Variants in TENM3 observed in about 807,000 individuals in gnomAD.
TENM3 encodes teneurin transmembrane protein 3, also known as teneurin-3.
TENM3 carries 63 observed loss-of-function variants against 255.1 expected under a neutral mutation model. That is an observed-to-expected ratio of 0.25 (90% CI 0.20 to 0.30). TENM3 has a LOEUF of 0.30. TENM3 is among the 10% of genes least tolerant of loss of function. The pLI, the probability that TENM3 is intolerant of heterozygous loss-of-function variation, is 1.00. For missense variants in TENM3, 2,929 were observed against 3,461.1 expected (o/e 0.85, Z 3.86); for synonymous variants, 1,306 against 1,322.3 (o/e 0.99, Z 0.27).
the TENM3 span, among the ~76,000 whole-genome samples, chr4:182,121,416 C>T: frequency 6.6e-5 from 10 of 152,174 alleles, no homozygotes; most frequent in South Asian, 2.1e-4. Context: ...GGCAAAATAA[C>T]GTTGGTGGCT....
chr4:182,716,156 G>A (rs919056267), intron 13 of TENM3, among the ~76,000 whole-genome samples: 1 of 152,122 alleles, frequency 6.6e-6, no homozygotes, highest in Non-Finnish European at 1.5e-5. Context: ...ATTGCCTAGG[G>A]AGGAAGGAGA....
chr4:182,626,971 A>G (rs1352656695), intron 4 of TENM3, among the ~76,000 whole-genome samples: 1 of 152,194 alleles, frequency 6.6e-6, no homozygotes, highest in East Asian at 1.9e-4. Flanking sequence ...TTACTAGGAA[A>G]TGATAGACCA....
chr4:182,228,595 T>C (rs1347078917), intron 1 of TENM3, among the ~76,000 whole-genome samples: 2 of 152,016 alleles, frequency 1.3e-5, no homozygotes, highest in African/African-American at 4.8e-5. Flanking sequence ...TCACTGCTAA[T>C]TGGTGTCTTA....
chr4:182,343,368 C>T (rs1209637624), intron 2 of TENM3, among the ~76,000 whole-genome samples: 1 of 151,934 alleles, frequency 6.6e-6, no homozygotes, highest in Non-Finnish European at 1.5e-5. Flanking sequence ...CAGTTATGGC[C>T]AAGCAGAATT....
chr4:182,570,179 G>A (rs1744218032), intron 3 of TENM3, among the ~76,000 whole-genome samples: 1 of 152,128 alleles, frequency 6.6e-6, no homozygotes, highest in Non-Finnish European at 1.5e-5. Context: ...AAATTCAAGA[G>A]ATATTTCTAA....
chr4:182,332,945 A>G (rs1763876118), intron 2 of TENM3, among the ~76,000 whole-genome samples: 2 of 152,198 alleles, frequency 1.3e-5, no homozygotes, highest in Non-Finnish European at 2.9e-5. Context: ...CCAAGCAATA[A>G]ATTTGAAAAA....
At chr4:182,744,086 G>GTGCT (rs1761812020) in intron 19 of TENM3, 2 of 681,410 alleles carry the variant, frequency 2.9e-6, no homozygotes, top group Non-Finnish European at 3.5e-6. Context: ...TTTTCTAACT[G>GTGCT]TGCTTTCTTT....
At chr4:181,615,823 AG>A in the TENM3 span, among the ~76,000 whole-genome samples, 3 of 152,218 alleles carry the variant, frequency 2.0e-5, no homozygotes, top group Non-Finnish European at 4.4e-5. Context: ...AATTTCCTGT[AG>A]GGAAGATATT....
chr4:182,334,000 C>G (rs138993943), intron 2 of TENM3, among the ~76,000 whole-genome samples: 7 of 152,276 alleles, frequency 4.6e-5, no homozygotes, highest in African/African-American at 1.7e-4. Flanking sequence ...TTTACCTAAT[C>G]TTGGCCAAGG....
At chr4:181,600,547 A>T in the TENM3 span, among the ~76,000 whole-genome samples, 3 of 151,864 alleles carry the variant, frequency 2.0e-5, no homozygotes, top group Non-Finnish European at 4.4e-5. Flanking sequence ...TGCATTTCTG[A>T]CTTGAAATTT....
the TENM3 span, among the ~76,000 whole-genome samples, chr4:182,094,588 A>T: frequency 6.6e-6 from 1 of 152,236 alleles, no homozygotes; most frequent in Non-Finnish European, 1.5e-5. Flanking sequence ...AATTTCACAT[A>T]GAAATGAACA....
intron 1 of TENM3, among the ~76,000 whole-genome samples, chr4:182,275,107 G>C (rs980654202): frequency 2.0e-5 from 3 of 152,146 alleles, no homozygotes; most frequent in African/African-American, 7.2e-5. Context: ...TTATAGGCTT[G>C]AGCCACCGCA....
the TENM3 span, among the ~76,000 whole-genome samples, chr4:181,642,333 GTA>G: frequency 6.6e-6 from 1 of 151,842 alleles, no homozygotes; most frequent in African/African-American, 2.4e-5. Flanking sequence ...TTTTTTTCTT[GTA>G]AACTTGTTTA....
the TENM3 span, among the ~76,000 whole-genome samples, chr4:181,663,962 G>T: frequency 6.6e-6 from 1 of 152,092 alleles, no homozygotes; most frequent in African/African-American, 2.4e-5. Flanking sequence ...GATTACTTCA[G>T]TTGTCAGGTA....
chr4:182,587,868 C>G (rs889016386), intron 3 of TENM3, among the ~76,000 whole-genome samples: 1 of 151,864 alleles, frequency 6.6e-6, no homozygotes, highest in African/African-American at 2.4e-5. Flanking sequence ...AGTTATAATA[C>G]AAGATAATAT....
chr4:182,168,685 A>T (rs1751883565), intron 1 of TENM3, among the ~76,000 whole-genome samples: 1 of 152,218 alleles, frequency 6.6e-6, no homozygotes, highest in Non-Finnish European at 1.5e-5. Flanking sequence ...TAAAATTATT[A>T]TACTGTATAT....
chr4:182,541,083 T>A (rs1740836115), intron 3 of TENM3, among the ~76,000 whole-genome samples: 1 of 152,226 alleles, frequency 6.6e-6, no homozygotes, highest in Non-Finnish European at 1.5e-5. Context: ...CGCTAAGAGT[T>A]TAAAAAACTT....
chr4:182,686,968 A>G (rs1756626676), intron 11 of TENM3, among the ~76,000 whole-genome samples: 1 of 152,144 alleles, frequency 6.6e-6, no homozygotes, highest in South Asian at 2.1e-4. Context: ...ACCCTCTTCC[A>G]GTTAATAGTC....
chr4:181,715,004 A>T, the TENM3 span, among the ~76,000 whole-genome samples: 1 of 152,206 alleles, frequency 6.6e-6, no homozygotes, highest in Non-Finnish European at 1.5e-5. Context: ...ACATTCACAG[A>T]TAATTCTTTA....
Sources: gnomAD v4.1 joint callset for allele counts (sites outside exome capture counted in the v4.1 genomes callset) on GRCh38, gnomAD v4.1.1 for gene constraint, MANE v1.5 for transcripts, NCBI Gene and HGNC (gene_info 2026-07-23, HGNC 2026-07-21) for gene names.